The following SHTN1 variants were observed in gnomAD, a reference collection of about 807,000 sequenced individuals.
SHTN1 encodes shootin-1.
A neutral mutation model predicts 83.1 loss-of-function variants in SHTN1; 42 were observed. The observed-to-expected ratio is 0.51, with a 90% CI of 0.39 to 0.65. The LOEUF is 0.65. Among genes scored for constraint, SHTN1 ranks in the 30% least tolerant of loss-of-function variants. The pLI, the probability that SHTN1 is intolerant of heterozygous loss-of-function variation, is 0.00. For synonymous variants in SHTN1, 224 were observed against 247.7 expected (o/e 0.90, Z 0.90); for missense variants, 622 against 737.8 (o/e 0.84, Z 1.82).
At chr10:117,039,733 G>A (rs751963860) in intron 2 of SHTN1, among the ~76,000 whole-genome samples, 1 of 151,682 alleles carries the variant, frequency 6.6e-6, no homozygotes. Flanking sequence ...GGCACCTGTA[G>A]TCCCAGCTAC....
intron 1 of SHTN1, among the ~76,000 whole-genome samples, chr10:117,087,022 T>C (rs1272467172): frequency 6.6e-6 from 1 of 152,228 alleles, no homozygotes; most frequent in Non-Finnish European, 1.5e-5. Context: ...TATAGTATGA[T>C]TCAATTTATT....
At chr10:116,909,924 C>T (rs950557812) in intron 14 of SHTN1, among the ~76,000 whole-genome samples, 11 of 152,078 alleles carry the variant, frequency 7.2e-5, no homozygotes, top group African/African-American at 2.7e-4. Flanking sequence ...TTTTTCAGTA[C>T]ACAACTGCAG....
chr10:116,895,070 T>C (rs79438462), intron 16 of SHTN1, among the ~76,000 whole-genome samples: 4,098 of 151,798 alleles, frequency 0.027, 175 homozygotes, highest in African/African-American at 0.093. Context: ...TAAAAAGGCA[T>C]AGAATAAAGT....
At chr10:117,013,379 G>A (rs986954959) in intron 2 of SHTN1, among the ~76,000 whole-genome samples, 1 of 151,986 alleles carries the variant, frequency 6.6e-6, no homozygotes, top group African/African-American at 2.4e-5. Flanking sequence ...TCACTATGTT[G>A]GCCAGGCTGA....
intron 1 of SHTN1, among the ~76,000 whole-genome samples, chr10:117,111,000 C>T (rs531426267): frequency 2.5e-4 from 38 of 152,136 alleles, no homozygotes; most frequent in African/African-American, 7.2e-4. Flanking sequence ...AGTTCAAGAC[C>T]AGCCTGGCCA....
chr10:116,911,595 GCA>G, intron 14 of SHTN1, 193 bp downstream of exon 14: 1 of 1,551,114 alleles, frequency 6.4e-7, no homozygotes, highest in South Asian at 1.2e-5. Context: ...AACAAAAACA[GCA>G]CAGTGTTATT....
At chr10:117,098,818 T>C (rs1853545030) in intron 1 of SHTN1, among the ~76,000 whole-genome samples, 1 of 152,126 alleles carries the variant, frequency 6.6e-6, no homozygotes, top group Non-Finnish European at 1.5e-5. Flanking sequence ...GGAGACACAA[T>C]TTGTGTTCCA....
At chr10:117,108,268 T>C (rs1431055721) in intron 1 of SHTN1, among the ~76,000 whole-genome samples, 1 of 152,128 alleles carries the variant, frequency 6.6e-6, no homozygotes, top group Non-Finnish European at 1.5e-5. Context: ...ATATGTTTAT[T>C]GTGGCACTAC....
Position 116,885,268 on chromosome 10 carries a change from T to C in SHTN1, c.*1076A>G, listed in dbSNP as rs1041673924. The C allele has an allele frequency of 3.3e-5, 5 of 152,664 alleles. No homozygotes were observed. The highest frequency in any genetic ancestry group is 7.3e-5 in the Non-Finnish European group (5 of 68,048). 9.5% of individuals were successfully genotyped at this position (152,664 alleles called of 1,614,324 possible). On this transcript the variant is annotated 3_prime_UTR_variant, in exon 17 of 17. Transcript: ENST00000355371. The stretch of plus-strand genomic sequence containing the variant: ...TAGTAAAATTACCATTACTGAATCA[T>C]TGTCATAAAAAGTGCATTCAAGTAC...
At chr10:117,047,290 C>T (rs1256940380) in intron 2 of SHTN1, among the ~76,000 whole-genome samples, 1 of 152,132 alleles carries the variant, frequency 6.6e-6, no homozygotes, top group East Asian at 1.9e-4. Flanking sequence ...TGGTCTTGAA[C>T]TCCTGACCTC....
At chr10:117,099,715 C>T (rs1853560764) in intron 1 of SHTN1, among the ~76,000 whole-genome samples, 1 of 152,108 alleles carries the variant, frequency 6.6e-6, no homozygotes, top group Admixed American at 6.5e-5. Context: ...CTAGGAGGCG[C>T]TCCATGAATA....
intron 15 of SHTN1, among the ~76,000 whole-genome samples, chr10:116,904,278 TC>T (rs998293026): frequency 2.6e-5 from 4 of 152,184 alleles, no homozygotes; most frequent in East Asian, 3.9e-4. Flanking sequence ...TTGCTTACTT[TC>T]CCCCCTGGAA....
chr10:116,942,952 G>A (rs1399753884), intron 8 of SHTN1, among the ~76,000 whole-genome samples: 1 of 152,160 alleles, frequency 6.6e-6, no homozygotes, highest in Non-Finnish European at 1.5e-5. Flanking sequence ...CTTACCTGTT[G>A]AAAACCTGAG....
chr10:116,935,783 T>A (rs1414092265), intron 9 of SHTN1, among the ~76,000 whole-genome samples: 18 of 152,154 alleles, frequency 1.2e-4, no homozygotes, highest in African/African-American at 4.8e-5. Context: ...CAGCTGTGAA[T>A]CCATCTGATC....
chr10:117,116,284 T>C lies in SHTN1; in HGVS notation c.-189+10023A>G, dbSNP rs138096980. ...AAGAATCATTACAAGCTATTATGAA[T>C]AACTATATGTCAACAAATTGGGAAA... On this transcript the variant is annotated intron_variant, in intron 1 of 17. Transcript: ENST00000392901. 3.3e-3 allele frequency among the ~76,000 whole-genome samples: 502 copies of C among 151,942 alleles called. 2 individuals carry two copies. The highest frequency in any genetic ancestry group is 5.2e-3 in the Non-Finnish European group (354 of 67,916).
intron 2 of SHTN1, among the ~76,000 whole-genome samples, chr10:117,029,867 T>TC (rs1438963817): frequency 1.3e-5 from 2 of 148,708 alleles, no homozygotes; most frequent in Non-Finnish European, 3.0e-5. Flanking sequence ...TCTCCCTCCC[T>TC]CCCTCTCTCT....
chr10:116,933,951 C>A lies in SHTN1; in HGVS notation c.859-3949G>T, dbSNP rs183783796. ...GAGCTTTTTTTCATATGTTTGTTGG[C>A]CACATAAATGTCTTCTTTTGAGAAG... On this transcript the variant is annotated intron_variant, in intron 9 of 16. Transcript: ENST00000355371. 3.1e-3 allele frequency among the ~76,000 whole-genome samples: 478 copies of A among 152,224 alleles called. 2 individuals are homozygous for A. Among genetic ancestry groups the A allele is most frequent in the Non-Finnish European group, 4.5e-3 (305 of 68,016 alleles).
At chr10:116,913,808 A>G (rs1848288363) in intron 13 of SHTN1, among the ~76,000 whole-genome samples, 1 of 152,124 alleles carries the variant, frequency 6.6e-6, no homozygotes, top group Non-Finnish European at 1.5e-5. Context: ...GGCAGGTGCT[A>G]TCCCCATCTT....
rs1188994247 is a variant in SHTN1, at chr10:116,984,066, G to GGTTA, written c.59-4762_59-4759dup. On this transcript the variant is annotated intron_variant, in intron 1 of 16. Coordinates refer to ENST00000355371, the MANE Select transcript of SHTN1 (RefSeq NM_001127211.3). The stretch of plus-strand genomic sequence containing the variant: ...ACAAGCCAGTAACACCTCTAGCTAG[G>GGTTA]GTTAATAAGAATCATGCTTTGTCTG... 8.5e-5 allele frequency among the ~76,000 whole-genome samples: 13 copies of GGTTA among 152,126 alleles called. No homozygotes were observed. In the East Asian group the frequency reaches 2.3e-3, roughly 27 times the overall value.
Sources: gnomAD v4.1 joint callset for allele counts (sites outside exome capture counted in the v4.1 genomes callset) on GRCh38, gnomAD v4.1.1 for gene constraint, MANE v1.5 for transcripts, NCBI Gene and HGNC (gene_info 2026-07-23, HGNC 2026-07-21) for gene names.